Variants in DRAM1 observed in about 807,000 individuals in gnomAD.
DRAM1 encodes DNA damage regulated autophagy modulator 1.
Under a neutral mutation model 28.5 loss-of-function variants are expected in DRAM1, and 25 were observed. The ratio of observed to expected loss-of-function variants is 0.88; its 90% CI spans 0.64 to 1.23. The LOEUF (loss-of-function observed/expected upper bound fraction) is 1.23. DRAM1 is among the 50% of genes most tolerant of loss of function. DRAM1 has a pLI of 0.00. For synonymous variants in DRAM1, 113 were observed against 114.2 expected, an observed-to-expected ratio of 0.99 and a Z score of 0.07; for missense variants, 249 against 299.2, an observed-to-expected ratio of 0.83 and a Z score of 1.24.
At chr12:101,914,095 T>C in intron 4 of DRAM1, 79 bp from the exon 5 acceptor site, 1 of 882,426 alleles carries the variant, frequency 1.1e-6, no homozygotes, top group African/African-American at 1.7e-5. Flanking sequence ...AATGATTATG[T>C]TATTAGGAGA....
At chr12:101,883,868 G>A (rs1594290348) in intron 1 of DRAM1, among the ~76,000 whole-genome samples, 1 of 151,166 alleles carries the variant, frequency 6.6e-6, no homozygotes, top group African/African-American at 2.4e-5. Context: ...CCCGGAGGTG[G>A]AGGTTGCAGT....
In DRAM1 at chr12:101,882,735, A is replaced by G. The variant is rs1028914943; in HGVS notation, c.131+4815A>G. 4.6e-5 allele frequency among the ~76,000 whole-genome samples: 7 copies of G among 151,044 alleles called. 2 individuals are homozygous for G. In the East Asian group the frequency reaches 6.3e-4, roughly 14 times the overall value. ...AAACAGTCTCTCTCATACATTGCTT[A>G]CAGGAACGTGAATTGATTTCAGTCT... On this transcript the variant is annotated intron_variant, in intron 1 of 6. Transcript: ENST00000258534.
At position 101,914,249 on chromosome 12, in the gene DRAM1, T is replaced by C; in HGVS notation, c.579+17T>C. ...AGAGAAAAGGTAACATTTAAGTTGT[T>C]GTGAATGTGGTTGTCGGACGTGGTT... On this transcript the variant is annotated intron_variant, in intron 5 of 6. Transcript: ENST00000258534. 1 of 1,600,074 alleles carries C rather than the reference T, an allele frequency of 6.2e-7. No homozygotes were observed.
intron 4 of DRAM1, 58 bp from the exon 5 acceptor site, chr12:101,914,116 C>G (rs1260515709): frequency 8.6e-7 from 1 of 1,167,806 alleles, no homozygotes; most frequent in Admixed American, 2.3e-5. Flanking sequence ...ATAATGTAGT[C>G]TTAACATTAA....
chr12:101,914,308 G>A (rs1425235567), intron 5 of DRAM1, 76 bp downstream of exon 5: 9 of 1,096,764 alleles, frequency 8.2e-6, no homozygotes, highest in Non-Finnish European at 1.2e-5. Context: ...GCATAGGGAA[G>A]ATCACTGCCG....
intron 1 of DRAM1, among the ~76,000 whole-genome samples, chr12:101,884,933 G>GTTT (rs779895150): frequency 3.7e-5 from 5 of 134,426 alleles, no homozygotes; most frequent in Non-Finnish European, 3.2e-5. Context: ...TAGAGAAAAT[G>GTTT]TTTTTTTTTT....
intron 1 of DRAM1, among the ~76,000 whole-genome samples, chr12:101,885,675 C>T (rs377507471): frequency 1.4e-4 from 22 of 151,852 alleles, no homozygotes; most frequent in Non-Finnish European, 1.9e-4. Context: ...TACAGGTGCC[C>T]GCCACCATGC....
At chr12:101,884,096 T>C (rs1057083903) in intron 1 of DRAM1, among the ~76,000 whole-genome samples, 2 of 151,736 alleles carry the variant, frequency 1.3e-5, no homozygotes, top group Non-Finnish European at 1.5e-5. Flanking sequence ...AAAATTAGTT[T>C]AGATTTGCAC....
chr12:101,878,999 T>C (rs1227618071), intron 1 of DRAM1, among the ~76,000 whole-genome samples: 1 of 151,638 alleles, frequency 6.6e-6, no homozygotes, highest in Non-Finnish European at 1.5e-5. Context: ...TTTTAAAATT[T>C]TTTTTATTTT....
chr12:101,906,830 G>C (rs928891314), intron 3 of DRAM1, among the ~76,000 whole-genome samples: 4 of 144,684 alleles, frequency 2.8e-5, no homozygotes, highest in African/African-American at 1.0e-4. Flanking sequence ...ACTCCAGCCT[G>C]GGTGACAGAG....
At position 101,882,258 on chromosome 12, in the gene DRAM1, G is replaced by A. The variant is rs1484636975; in HGVS notation, c.131+4338G>A. Among the ~76,000 whole-genome samples, 5 of 150,698 alleles carry A rather than the reference G, an allele frequency of 3.3e-5. No homozygotes were observed. The East Asian group carries it at 6.4e-4, about 19-fold the overall frequency. On this transcript the variant is annotated intron_variant, in intron 1 of 6. Transcript: ENST00000258534. ...CGAGTAGCTGGGACTACAGGCGCCC[G>A]CCACCCCTCCCGGCTAATTTTTTGT...
At chr12:101,915,385 G>T (rs750072061) in intron 5 of DRAM1, among the ~76,000 whole-genome samples, 9 of 152,166 alleles carry the variant, frequency 5.9e-5, no homozygotes, top group African/African-American at 9.7e-5. Context: ...GGAATGTTAA[G>T]TAGAGAGGAT....
chr12:101,882,598 A>G lies in DRAM1; in HGVS notation c.131+4678A>G, dbSNP rs181791155. On this transcript the variant is annotated intron_variant, in intron 1 of 6. Coordinates refer to ENST00000258534, the MANE Select transcript of DRAM1 (RefSeq NM_018370.3). Reference sequence around the variant, plus strand: ...CTCTTATACACATGAAAAGATACTCAACTTTATGAATAGGAATAAATATTC... The same window carrying G: ...CTCTTATACACATGAAAAGATACTCGACTTTATGAATAGGAATAAATATTC... Among the ~76,000 whole-genome samples, 120 of 151,436 alleles carry G rather than the reference A, an allele frequency of 7.9e-4. 22 individuals carry two copies. The East Asian group carries it at 0.021, about 26-fold the overall frequency.
At chr12:101,919,326 C>A (rs11111082) in intron 5 of DRAM1, among the ~76,000 whole-genome samples, 1 of 151,696 alleles carries the variant, frequency 6.6e-6, no homozygotes, top group Non-Finnish European at 1.5e-5. Flanking sequence ...TTTTAAACCC[C>A]TTTGAAAGCA....
intron 1 of DRAM1, among the ~76,000 whole-genome samples, chr12:101,884,562 T>C (rs1251689548): frequency 1.3e-5 from 2 of 152,188 alleles, no homozygotes; most frequent in African/African-American, 4.8e-5. Context: ...GATCCTTTAC[T>C]CTTCAGTGTT....
At chr12:101,889,715 G>A (rs1230313431) in intron 1 of DRAM1, among the ~76,000 whole-genome samples, 1 of 152,130 alleles carries the variant, frequency 6.6e-6, no homozygotes, top group Non-Finnish European at 1.5e-5. Context: ...CAAGGCAGGT[G>A]GATCACTTGA....
At chr12:101,894,004 C>G (rs1450056119) in intron 1 of DRAM1, among the ~76,000 whole-genome samples, 1 of 152,096 alleles carries the variant, frequency 6.6e-6, no homozygotes, top group Non-Finnish European at 1.5e-5. Flanking sequence ...GATCTTGGCT[C>G]ACTGCAACCT....
At chr12:101,902,866 A>T (rs1245699908) in intron 3 of DRAM1, among the ~76,000 whole-genome samples, 2 of 151,854 alleles carry the variant, frequency 1.3e-5, no homozygotes. Flanking sequence ...AACTTGAGCT[A>T]ACTCAAGATG....
chr12:101,894,343 C>G (rs931968419), intron 1 of DRAM1, among the ~76,000 whole-genome samples: 1 of 152,126 alleles, frequency 6.6e-6, no homozygotes, highest in Non-Finnish European at 1.5e-5. Context: ...TCTTGAACTC[C>G]TAACCCGAAG....
Sources: gnomAD v4.1 joint callset for allele counts (sites outside exome capture counted in the v4.1 genomes callset) on GRCh38, gnomAD v4.1.1 for gene constraint, MANE v1.5 for transcripts, NCBI Gene and HGNC (gene_info 2026-07-23, HGNC 2026-07-21) for gene names.